BMPR1B: variants seen among roughly 807,000 people sequenced by gnomAD.
BMPR1B encodes bone morphogenetic protein receptor type-1B.
A neutral mutation model predicts 59.1 loss-of-function variants in BMPR1B; 12 were observed. The ratio of observed to expected loss-of-function variants is 0.20; its 90% CI spans 0.13 to 0.33. The LOEUF (loss-of-function observed/expected upper bound fraction) is 0.33, where lower values mean the gene tolerates loss of function less well. BMPR1B is among the 10% of genes least tolerant of loss of function. The pLI is 1.00. For missense variants in BMPR1B, 550 were observed against 610.9 expected, an observed-to-expected ratio of 0.90 and a Z score of 1.05; for synonymous variants, 237 against 207.3, an observed-to-expected ratio of 1.14 and a Z score of -1.23.
chr4:94,884,062 T>C (rs1727079137), intron 2 of BMPR1B, among the ~76,000 whole-genome samples: 1 of 152,230 alleles, frequency 6.6e-6, no homozygotes, highest in African/African-American at 2.4e-5. Flanking sequence ...AATATTTTTC[T>C]GACTCTAATC....
At chr4:94,985,549 GTGTGTGTGTT>G (rs1721352127) in intron 2 of BMPR1B, among the ~76,000 whole-genome samples, 1 of 113,716 alleles carries the variant, frequency 8.8e-6, no homozygotes, top group Admixed American at 9.7e-5. Flanking sequence ...GTGTGTGTGT[GTGTGTGTGTT>G]GGCCATTGTC....
intron 2 of BMPR1B, among the ~76,000 whole-genome samples, chr4:94,933,405 C>T (rs186802686): frequency 4.6e-4 from 70 of 151,714 alleles, no homozygotes; most frequent in South Asian, 4.4e-3. Context: ...TCAGTATTTC[C>T]GATTATTTCC....
chr4:94,842,821 T>C (rs1266786198), intron 1 of BMPR1B, among the ~76,000 whole-genome samples: 1 of 152,000 alleles, frequency 6.6e-6, no homozygotes, highest in East Asian at 1.9e-4. Context: ...ACAAATATAT[T>C]TATCTTCATT....
At chr4:94,925,669 A>T (rs538467520) in intron 2 of BMPR1B, among the ~76,000 whole-genome samples, 9 of 152,290 alleles carry the variant, frequency 5.9e-5, no homozygotes, top group Admixed American at 3.9e-4. Context: ...AAAGAAAAGC[A>T]CTGAAGAGCT....
At chr4:95,065,581 A>G (rs1018045501) in intron 3 of BMPR1B, among the ~76,000 whole-genome samples, 6 of 152,210 alleles carry the variant, frequency 3.9e-5, no homozygotes, top group Admixed American at 1.3e-4. Context: ...TTAGAAGTAA[A>G]ATATCTGTTA....
At position 94,954,431 on chromosome 4, in the gene BMPR1B, T is replaced by C. The variant is rs1234871451; in HGVS notation, c.-112-41609T>C. ...TTAAACTTTCTACCTATGCAATGCA[T>C]ATCATTAAGGCTGCCACATATGGCT... On this transcript the variant is annotated intron_variant, in intron 2 of 12. Coordinates refer to ENST00000515059, the MANE Select transcript of BMPR1B (RefSeq NM_001203.3). 2.6e-5 allele frequency among the ~76,000 whole-genome samples: 4 copies of C among 152,352 alleles called. No individual in the cohort carries two copies. In the East Asian group the frequency reaches 7.7e-4, roughly 29 times the overall value.
chr4:95,002,543 A>G (rs1722526320), intron 3 of BMPR1B, among the ~76,000 whole-genome samples: 1 of 152,310 alleles, frequency 6.6e-6, no homozygotes, highest in African/African-American at 2.4e-5. Flanking sequence ...ATTCTTTGAG[A>G]AATCTCCAAA....
intron 1 of BMPR1B, among the ~76,000 whole-genome samples, chr4:94,782,541 A>G (rs892554269): frequency 1.3e-5 from 2 of 152,046 alleles, no homozygotes; most frequent in Non-Finnish European, 2.9e-5. Flanking sequence ...CCTGAGCTCA[A>G]GTGATCTAAT....
chr4:94,963,686 T>C (rs946821009), intron 2 of BMPR1B, among the ~76,000 whole-genome samples: 1 of 152,192 alleles, frequency 6.6e-6, no homozygotes, highest in Admixed American at 6.6e-5. Flanking sequence ...CTCTGTTCTT[T>C]TCCACTGATC....
At position 94,887,403 on chromosome 4, in the gene BMPR1B, C is replaced by CAAAA. The variant is rs57818132; in HGVS notation, c.-113+11520_-113+11523dup. On this transcript the variant is annotated intron_variant, in intron 2 of 12. Transcript: ENST00000515059. Reference sequence around the variant, plus strand: ...TACCACCTTCACCCCCACCCCCCACCAAAAAAAAAAAAAAAAAAAACAAGA... The same window carrying CAAAA: ...TACCACCTTCACCCCCACCCCCCACCAAAAAAAAAAAAAAAAAAAAAAAACAAGA... Among the ~76,000 whole-genome samples, 211 of 54,634 alleles carry CAAAA rather than the reference C, an allele frequency of 3.9e-3. 2 individuals are homozygous for CAAAA. Among genetic ancestry groups the CAAAA allele is most frequent in the Middle Eastern group, 0.011 (1 of 88 alleles). The allele number at this position is 54,634 out of a possible 152,430, so 35.8% of individuals were successfully genotyped here. A position where few individuals can be genotyped will look rare whatever the true frequency, so the allele number is the denominator to read the frequency against.
intron 2 of BMPR1B, among the ~76,000 whole-genome samples, chr4:94,890,081 T>C (rs1727331090): frequency 6.6e-6 from 1 of 152,092 alleles, no homozygotes; most frequent in Non-Finnish European, 1.5e-5. Flanking sequence ...TCTGTCTTCG[T>C]GAATAGAGCC....
intron 1 of BMPR1B, among the ~76,000 whole-genome samples, chr4:94,873,699 T>TGCCC (rs1403661813): frequency 2.6e-5 from 4 of 152,330 alleles, no homozygotes; most frequent in Admixed American, 2.0e-4. Flanking sequence ...TGAGCTGCCG[T>TGCCC]GCCCGGCCCG....
intron 1 of BMPR1B, among the ~76,000 whole-genome samples, chr4:94,852,414 CCAGT>C (rs984369949): frequency 5.3e-5 from 8 of 151,934 alleles, no homozygotes; most frequent in African/African-American, 1.9e-4. Flanking sequence ...ATATAATTAA[CCAGT>C]CATTTATAGA....
chr4:94,848,856 G>A (rs757404579), intron 1 of BMPR1B, among the ~76,000 whole-genome samples: 6 of 152,150 alleles, frequency 3.9e-5, no homozygotes, highest in Non-Finnish European at 8.8e-5. Context: ...AGATGTAGTA[G>A]ATAAATGAGA....
At chr4:95,066,656 G>T (rs2149213439) in intron 3 of BMPR1B, among the ~76,000 whole-genome samples, 1 of 152,284 alleles carries the variant, frequency 6.6e-6, no homozygotes, top group East Asian at 1.9e-4. Context: ...GCCAGAATTT[G>T]ACTAGATAAT....
intron 3 of BMPR1B, among the ~76,000 whole-genome samples, chr4:95,044,585 T>C (rs1440638083): frequency 6.6e-6 from 1 of 152,162 alleles, no homozygotes; most frequent in African/African-American, 2.4e-5. Context: ...TTTTACCCCT[T>C]CCCACTCATG....
chr4:94,758,384 GGCA>G (rs1410476906), intron 1 of BMPR1B, among the ~76,000 whole-genome samples: 1 of 151,752 alleles, frequency 6.6e-6, no homozygotes, highest in African/African-American at 2.4e-5. Flanking sequence ...GAGGAGTCGG[GGCA>G]GCGGCGGCGG....
At chr4:94,846,562 C>T (rs1160774528) in intron 1 of BMPR1B, among the ~76,000 whole-genome samples, 2 of 152,116 alleles carry the variant, frequency 1.3e-5, no homozygotes, top group Admixed American at 1.3e-4. Context: ...CTGGATGCTT[C>T]CTGCCCTTGA....
intron 3 of BMPR1B, among the ~76,000 whole-genome samples, chr4:95,012,406 T>A (rs1723287465): frequency 6.6e-6 from 1 of 152,220 alleles, no homozygotes; most frequent in Non-Finnish European, 1.5e-5. Flanking sequence ...AAGGAAGGTG[T>A]GTTTTTTAGT....
Sources: allele counts gnomAD v4.1 joint callset (sites outside exome capture counted in the v4.1 genomes callset), GRCh38; gene constraint gnomAD v4.1.1; transcripts MANE v1.5; gene names NCBI Gene and HGNC (gene_info 2026-07-23, HGNC 2026-07-21).